A2ML1: variants seen among roughly 807,000 people sequenced by gnomAD.
The protein encoded by A2ML1 is alpha-2-macroglobulin like 1.
A2ML1 carries 161 observed loss-of-function variants against 181.9 expected under a neutral mutation model. The observed-to-expected ratio is 0.89, with a 90% CI of 0.78 to 1.01. The LOEUF is 1.01. Ranked by LOEUF, A2ML1 falls within the 50% of genes least tolerant of loss-of-function variation. The probability of loss-of-function intolerance (pLI) is 0.00; values close to 1 mark genes in which losing one functional copy is unlikely to be tolerated. For missense variants in A2ML1, 1,670 were observed against 1,768.1 expected, an observed-to-expected ratio of 0.94 and a Z score of 1.00; for synonymous variants, 663 against 666.8, an observed-to-expected ratio of 0.99 and a Z score of 0.09.
Position 8,852,843 on chromosome 12 carries a change from G to T in A2ML1, c.2590+507G>T, listed in dbSNP as rs1209431722. Among the ~76,000 whole-genome samples the T allele has an allele frequency of 1.3e-5, 2 of 151,794 alleles. No individual in the cohort carries two copies. The highest frequency in any genetic ancestry group is 2.9e-5 in the Non-Finnish European group (2 of 67,968). On this transcript the variant is annotated intron_variant, in intron 20 of 35. Coordinates refer to ENST00000299698, the MANE Select transcript of A2ML1 (RefSeq NM_144670.6). This position sits in a 1 kb window ranked among gnomAD's most constrained non-coding sequence, Gnocchi z 4.2. Reference sequence around the variant, plus strand: ...CCCAAGTAGCTAGGATTACAGTCGCGTGCCACCCTACCCGGCTAATTTTTG... The same window carrying T: ...CCCAAGTAGCTAGGATTACAGTCGCTTGCCACCCTACCCGGCTAATTTTTG...
Position 8,847,246 on chromosome 12 carries a change from A to T in A2ML1, c.1684-303A>T, listed in dbSNP as rs1305273513. ...TTACAGGCATGACCCTGTCTCTATT[A>T]AAAAAAAAAAAAAAAAAAGCCATAC... On this transcript the variant is annotated intron_variant, in intron 14 of 35. Transcript: ENST00000299698. 4.9e-3 allele frequency among the ~76,000 whole-genome samples: 4 copies of T among 818 alleles called. 1 individual carries two copies. The highest frequency in any genetic ancestry group is 0.015 in the African/African-American group (4 of 266). The allele number at this position is 818 out of a possible 152,430, so 0.5% of individuals were successfully genotyped here.
intron 33 of A2ML1, among the ~76,000 whole-genome samples, chr12:8,871,383 A>G (rs1214280858): frequency 6.6e-6 from 1 of 152,132 alleles, no homozygotes; most frequent in Non-Finnish European, 1.5e-5. Flanking sequence ...TCTGTTGTTC[A>G]TGTGTTTGAT....
intron 21 of A2ML1, 74 bp from the exon 22 acceptor site, chr12:8,854,706 C>A: frequency 1.3e-6 from 2 of 1,555,298 alleles, no homozygotes; most frequent in South Asian, 1.1e-5. Flanking sequence ...AGGGGCCTCC[C>A]TTCCCTTTCC....
chr12:8,849,633 GACC>G (rs1943818681), intron 16 of A2ML1, 33 bp from the exon 17 acceptor site: 1 of 1,561,966 alleles, frequency 6.4e-7, no homozygotes, highest in Admixed American at 1.7e-5. Context: ...TTGGGGAAGG[GACC>G]ACCTTAATAC....
Position 8,848,761 on chromosome 12 carries a change from T to C in A2ML1, c.1875T>C (p.Tyr625=). ...MFPFWYGHYP[Y]QVAEYDQCPV... is the part of the protein sequence containing the mutation. ...CATTCTGGTATGGTCACTACCCCTA[T>C]CAAGTGGCTGAGTATGATCAGTGTC... The change falls in exon 16 of 36, where the codon TAT becomes TAC. Residue 625 remains tyrosine (Y), a synonymous_variant. Coordinates refer to ENST00000299698, the MANE Select transcript of A2ML1 (RefSeq NM_144670.6). The C allele has an allele frequency of 6.2e-7, 1 of 1,613,794 alleles. No individual in the cohort carries two copies. The highest frequency in any genetic ancestry group is 8.5e-7 in the Non-Finnish European group (1 of 1,179,898).
intron 3 of A2ML1, among the ~76,000 whole-genome samples, chr12:8,827,041 AATATTG>A (rs1416329015): frequency 6.6e-6 from 1 of 152,136 alleles, no homozygotes; most frequent in Non-Finnish European, 1.5e-5. Context: ...TCTTGTAATT[AATATTG>A]ATATCTTTCT....
chr12:8,838,458 G>A lies in A2ML1; in HGVS notation c.970+8G>A. 1 of 1,607,778 alleles carries A rather than the reference G, an allele frequency of 6.2e-7. No homozygotes were observed. Among genetic ancestry groups the A allele is most frequent in the Non-Finnish European group, 8.5e-7 (1 of 1,175,410 alleles). ...TTGTGGAGGAAGGGACAGGTAAGTA[G>A]GGTGCTCCTTGGCTCATTAAGAAAA... On this transcript the variant is annotated splice_region_variant and intron_variant, in intron 9 of 35. Coordinates refer to ENST00000299698, the MANE Select transcript of A2ML1 (RefSeq NM_144670.6).
At position 8,860,960 on chromosome 12, in the gene A2ML1, G is replaced by C; in HGVS notation, c.3339+5G>C. ...GAGATGGGAAAGGATGTAGATGTAA[G>C]TTCTCCTGGCTCCTGCTCTTGATAC... On this transcript the variant is annotated splice_donor_5th_base_variant and intron_variant, in intron 27 of 35. Transcript: ENST00000299698. 6.2e-7 allele frequency: 1 copy of C among 1,614,080 alleles called. No individual in the cohort carries two copies. Among genetic ancestry groups the C allele is most frequent in the Non-Finnish European group, 8.5e-7 (1 of 1,180,024 alleles).
At chr12:8,823,544 A>G in intron 2 of A2ML1, 176 bp from the exon 3 acceptor site, 1 of 1,079,090 alleles carries the variant, frequency 9.3e-7, no homozygotes, top group Non-Finnish European at 1.3e-6. Context: ...TCGACCTAGG[A>G]TTTCTCCCTT....
chr12:8,844,791 A>C (rs1943609415), intron 12 of A2ML1, among the ~76,000 whole-genome samples: 1 of 152,204 alleles, frequency 6.6e-6, no homozygotes, highest in Admixed American at 6.5e-5. Flanking sequence ...TGTCTTCAGG[A>C]CCGAAGTGTG....
chr12:8,881,414 TG>T (rs1192242016), downstream of A2ML1, among the ~76,000 whole-genome samples: 2 of 152,202 alleles, frequency 1.3e-5, no homozygotes, highest in South Asian at 4.1e-4. Flanking sequence ...TGGAAGATAA[TG>T]ACCATTTTAG....
rs1943358225 is a variant in A2ML1 at position 8,838,445 on chromosome 12, G to A, written c.965G>A (p.Gly322Glu). ...ATTGTGGCTACTGTTGTGGAGGAAG[G>A]GACAGGTAAGTAGGGTGCTCCTTGG... ...INIVATVVEE[G>E]TGVEANATQN... Residue 322 changes from glycine to glutamate, a missense_variant, in exon 9 of 36, where the codon GGG (glycine) becomes GAG (glutamate). By Grantham distance (98) the Gly-to-Glu change is moderately conservative (BLOSUM62 -2). Transcript: ENST00000299698. 3.1e-6 allele frequency: 5 copies of A among 1,612,874 alleles called. No homozygotes were observed. Among genetic ancestry groups the A allele is most frequent in the Non-Finnish European group, 4.2e-6 (5 of 1,179,308 alleles).
At chr12:8,861,853 A>C (rs1221036162) in intron 28 of A2ML1, among the ~76,000 whole-genome samples, 2 of 151,290 alleles carry the variant, frequency 1.3e-5, no homozygotes, top group Non-Finnish European at 2.9e-5. Context: ...TCTGCCTCCC[A>C]GGATCAAGCA....
chr12:8,854,389 A>G, intron 21 of A2ML1, 140 bp downstream of exon 21: 3 of 1,333,934 alleles, frequency 2.2e-6, no homozygotes, highest in Non-Finnish European at 3.0e-6. Flanking sequence ...GGCCCCTTGA[A>G]CATTTGCCTA....
At chr12:8,830,057 ATTTG>A (rs1357213435) in intron 4 of A2ML1, among the ~76,000 whole-genome samples, 1 of 151,922 alleles carries the variant, frequency 6.6e-6, no homozygotes, top group African/African-American at 2.4e-5. Context: ...TATTTTATTT[ATTTG>A]TTTATTTAGA....
intron 10 of A2ML1, among the ~76,000 whole-genome samples, chr12:8,840,299 G>A (rs1943425496): frequency 6.6e-6 from 1 of 151,330 alleles, no homozygotes; most frequent in South Asian, 2.1e-4. Flanking sequence ...GGCAGGGGGT[G>A]CAGTGAGCTA....
rs2136878186 is a variant in A2ML1, at chr12:8,851,791, G to A, written c.2242G>A (p.Gly748Arg). ...LWDLFPIGNS[G>R]KEAVHVTVPD... Reference sequence around the variant, plus strand: ...GTCCTTGTGTTTTCACAGTAACTCGGGGAAGGAGGCGGTCCACGTCACAGT... The same window carrying A: ...GTCCTTGTGTTTTCACAGTAACTCGAGGAAGGAGGCGGTCCACGTCACAGT... Residue 748 changes from glycine to arginine, a missense_variant, in exon 19 of 36, where the codon GGG (glycine) becomes AGG (arginine). Transcript: ENST00000299698. 1.2e-6 allele frequency: 2 copies of A among 1,614,032 alleles called. No homozygotes were observed. Among genetic ancestry groups the A allele is most frequent in the Admixed American group, 3.3e-5 (2 of 60,012 alleles).
chr12:8,868,594 T>G lies in A2ML1; in HGVS notation c.4119T>G (p.Ser1373=). 2 of 1,614,098 alleles carry G rather than the reference T, an allele frequency of 1.2e-6. No individual in the cohort carries two copies. The highest frequency in any genetic ancestry group is 4.5e-5 in the East Asian group (2 of 44,868). ...NMAIVEVKML[S]GFSPMEGTNQ... is the part of the protein sequence containing the mutation. Reference sequence around the variant, plus strand: ...CTATTGTGGAAGTGAAGATGCTATCTGGGTTCAGTCCCATGGAGGGCACCA... The same window carrying G: ...CTATTGTGGAAGTGAAGATGCTATCGGGGTTCAGTCCCATGGAGGGCACCA... The change falls in exon 32 of 36, where the codon TCT becomes TCG. Residue 1373 remains serine (S), a synonymous_variant. Coordinates refer to ENST00000299698, the MANE Select transcript of A2ML1 (RefSeq NM_144670.6).
intron 9 of A2ML1, among the ~76,000 whole-genome samples, 182 bp from the exon 10 acceptor site, chr12:8,838,931 A>G (rs1056717914): frequency 6.6e-6 from 1 of 151,668 alleles, no homozygotes; most frequent in African/African-American, 2.4e-5. Context: ...AAAAAAAAAA[A>G]AAAAAGAAGA....
Sources: gnomAD v4.1 joint callset for allele counts (sites outside exome capture counted in the v4.1 genomes callset) on GRCh38, gnomAD v4.1.1 for gene constraint, Gnocchi (gnomAD v3.1) non-coding constraint, MANE v1.5 for transcripts, NCBI Gene and HGNC (gene_info 2026-07-23, HGNC 2026-07-21) for gene names.